The following EPB41L5 variants were observed in gnomAD, a reference collection of about 807,000 sequenced individuals.
EPB41L5 encodes band 4.1-like protein 5.
A neutral mutation model predicts 106.6 loss-of-function variants in EPB41L5; 55 were observed. That is an observed-to-expected ratio of 0.52 (90% CI 0.42 to 0.65). The LOEUF (loss-of-function observed/expected upper bound fraction) is 0.65. Ranked by LOEUF, EPB41L5 falls within the 30% of genes least tolerant of loss-of-function variation. The pLI, the probability that EPB41L5 is intolerant of heterozygous loss-of-function variation, is 0.00. For synonymous variants in EPB41L5, 297 were observed against 306.7 expected (o/e 0.97, Z 0.33); for missense variants, 871 against 882.1 (o/e 0.99, Z 0.16).
Position 120,168,027 on chromosome 2 carries a change from T to G in EPB41L5, c.2135+20T>G. 2 of 1,613,462 alleles carry G rather than the reference T, an allele frequency of 1.2e-6. No homozygotes were observed. Among genetic ancestry groups the G allele is most frequent in the Non-Finnish European group, 1.7e-6 (2 of 1,179,516 alleles). On this transcript the variant is annotated intron_variant, in intron 24 of 24. Coordinates refer to ENST00000263713, the MANE Select transcript of EPB41L5 (RefSeq NM_020909.4). ...GACCAGGTGAGAAAATTATTTCTCATTTGCAGTTCTTAGGCATCTGTTAGG... is the reference window on the plus strand; with the variant it reads ...GACCAGGTGAGAAAATTATTTCTCAGTTGCAGTTCTTAGGCATCTGTTAGG...
intron 2 of EPB41L5, among the ~76,000 whole-genome samples, chr2:120,033,446 G>T (rs1025846754): frequency 2.6e-5 from 4 of 152,074 alleles, no homozygotes; most frequent in African/African-American, 9.7e-5. Context: ...GGTGGCTCAT[G>T]CCTGTAATCC....
chr2:120,045,447 T>C (rs758227215), intron 3 of EPB41L5, among the ~76,000 whole-genome samples: 7 of 152,202 alleles, frequency 4.6e-5, no homozygotes, highest in Non-Finnish European at 8.8e-5. Context: ...GAGAGAGTTA[T>C]AGTGAAGATG....
At chr2:120,110,315 C>CTAA (rs1231869820) in intron 16 of EPB41L5, among the ~76,000 whole-genome samples, 9 of 152,196 alleles carry the variant, frequency 5.9e-5, no homozygotes, top group African/African-American at 2.2e-4. Flanking sequence ...ATCCCCTTTG[C>CTAA]TAATGCCTAC....
chr2:120,068,569 A>C (rs1681620519), intron 3 of EPB41L5, among the ~76,000 whole-genome samples: 1 of 152,196 alleles, frequency 6.6e-6, no homozygotes, highest in African/African-American at 2.4e-5. Flanking sequence ...TTTTCCCCTC[A>C]CAGTATAAAC....
Position 120,096,838 on chromosome 2 carries a change from G to A in EPB41L5, c.1179-3406G>A, listed in dbSNP as rs567619141. Among the ~76,000 whole-genome samples, 6 of 152,240 alleles carry A rather than the reference G, an allele frequency of 3.9e-5. No individual in the cohort carries two copies. In the East Asian group the frequency reaches 1.2e-3, roughly 29 times the overall value. On this transcript the variant is annotated intron_variant, in intron 14 of 24. Transcript: ENST00000263713. ...ATGGAGTAATGTTTGAGATTTTTCT[G>A]TACCTTTGAAGCTATTTTGTTTATT... is the stretch of plus-strand genomic sequence containing the variant.
intron 20 of EPB41L5, among the ~76,000 whole-genome samples, chr2:120,149,309 C>T (rs1185122432): frequency 6.6e-6 from 1 of 152,024 alleles, no homozygotes; most frequent in African/African-American, 2.4e-5. Flanking sequence ...ATACAACCAC[C>T]ATCAGTAACA....
At chr2:120,083,890 C>G (rs1682871659) in intron 10 of EPB41L5, among the ~76,000 whole-genome samples, 1 of 152,142 alleles carries the variant, frequency 6.6e-6, no homozygotes, top group South Asian at 2.1e-4. Flanking sequence ...TTGTTGGTTT[C>G]AGGTCTGTTT....
chr2:120,101,633 A>T (rs185048010), intron 16 of EPB41L5: 7 of 152,230 alleles, frequency 4.6e-5, no homozygotes, highest in Admixed American at 4.6e-4. Flanking sequence ...GGTGATCTCA[A>T]GGTTTTGGTC....
In EPB41L5 at chr2:120,100,773, T is replaced by C. The variant is rs757825101; in HGVS notation, c.1296T>C (p.Asn432=). ...CTCCTGTGCCAGTGGAGATAGAGAATCTTCCACAGAGTCCTGGAACAGACC... is the reference window on the plus strand; with the variant it reads ...CTCCTGTGCCAGTGGAGATAGAGAACCTTCCACAGAGTCCTGGAACAGACC... ...SSAPVPVEIE[N]LPQSPGTDQH... is the part of the protein sequence containing the mutation. The change falls in exon 16 of 25, where the codon AAT becomes AAC. Residue 432 remains asparagine (N), a synonymous_variant. Coordinates refer to ENST00000263713, the MANE Select transcript of EPB41L5 (RefSeq NM_020909.4). The C allele has an allele frequency of 3.1e-6, 5 of 1,612,650 alleles. No homozygotes were observed. The South Asian group carries it at 4.4e-5, about 14-fold the overall frequency.
chr2:120,165,927 C>T (rs900044676), intron 22 of EPB41L5, among the ~76,000 whole-genome samples: 6 of 126,530 alleles, frequency 4.7e-5, no homozygotes, highest in African/African-American at 1.8e-4. Context: ...GAGATAGCAC[C>T]ATTGCACTCC....
At chr2:120,106,870 A>G in intron 16 of EPB41L5, 1 of 981,764 alleles carries the variant, frequency 1.0e-6, no homozygotes, top group Non-Finnish European at 1.2e-6. Flanking sequence ...CATAGATAAC[A>G]TACTTTTAAA....
At chr2:120,096,796 TAAAAA>T (rs1401508597) in intron 14 of EPB41L5, among the ~76,000 whole-genome samples, 2 of 152,050 alleles carry the variant, frequency 1.3e-5, no homozygotes, top group African/African-American at 2.4e-5. Context: ...TCTCAAATAA[TAAAAA>T]GAAAAAGAAA....
intron 3 of EPB41L5, among the ~76,000 whole-genome samples, chr2:120,070,859 T>G (rs534989841): frequency 6.6e-6 from 1 of 152,312 alleles, no homozygotes; most frequent in East Asian, 1.9e-4. Context: ...GAGCTATTTA[T>G]GACAAACCCA....
intron 16 of EPB41L5, among the ~76,000 whole-genome samples, chr2:120,121,172 G>T (rs1389019561): frequency 6.6e-6 from 1 of 152,140 alleles, no homozygotes; most frequent in Non-Finnish European, 1.5e-5. Flanking sequence ...ACTATGGTCT[G>T]AAAGTTTGTG....
At chr2:120,129,920 C>T (rs918584616) in intron 17 of EPB41L5, among the ~76,000 whole-genome samples, 5 of 152,014 alleles carry the variant, frequency 3.3e-5, no homozygotes, top group African/African-American at 4.8e-5. Flanking sequence ...CCAAGGCAGG[C>T]GGATCACCTG....
At chr2:120,029,309 T>C (rs189091663) in intron 2 of EPB41L5, among the ~76,000 whole-genome samples, 268 of 152,182 alleles carry the variant, frequency 1.8e-3, no homozygotes, top group Non-Finnish European at 2.8e-3. Context: ...GGATTACAGG[T>C]GGCCCACCAC....
At chr2:120,056,764 G>A (rs1434967152) in intron 3 of EPB41L5, among the ~76,000 whole-genome samples, 3 of 150,850 alleles carry the variant, frequency 2.0e-5, no homozygotes, top group Non-Finnish European at 4.4e-5. Flanking sequence ...GGAAAATCTT[G>A]TGAAGGATTA....
intron 18 of EPB41L5, among the ~76,000 whole-genome samples, chr2:120,132,382 A>G (rs962457070): frequency 4.6e-5 from 7 of 152,284 alleles, no homozygotes; most frequent in African/African-American, 1.7e-4. Context: ...ACATACAGAC[A>G]ACTGATAACA....
chr2:120,026,648 C>T (rs150144553), intron 2 of EPB41L5, among the ~76,000 whole-genome samples: 2 of 152,088 alleles, frequency 1.3e-5, no homozygotes, highest in African/African-American at 2.4e-5. Context: ...GGATTACAGG[C>T]GTGAGCCACT....
Sources: allele counts gnomAD v4.1 joint callset (sites outside exome capture counted in the v4.1 genomes callset), GRCh38; gene constraint gnomAD v4.1.1; transcripts MANE v1.5; gene names NCBI Gene and HGNC (gene_info 2026-07-23, HGNC 2026-07-21).